HSP90AA1: variants seen among roughly 807,000 people sequenced by gnomAD.
HSP90AA1 encodes the protein heat shock protein 90 alpha family class A member 1, also known as heat shock protein HSP 90-alpha.
HSP90AA1 carries 18 observed loss-of-function variants against 73.3 expected under a neutral mutation model. The observed-to-expected ratio is 0.25, with a 90% CI of 0.17 to 0.36. The LOEUF (loss-of-function observed/expected upper bound fraction) is 0.36, where lower values mean the gene tolerates loss of function less well. Among genes scored for constraint, HSP90AA1 ranks in the 10% least tolerant of loss-of-function variants. HSP90AA1 has a pLI of 1.00. For synonymous variants in HSP90AA1, 477 were observed against 296.9 expected (o/e 1.61, Z -6.24); for missense variants, 704 against 874.2 (o/e 0.81, Z 2.45).
rs190137720 is a variant in HSP90AA1 at position 102,081,143 on chromosome 14, C to T, written c.*569G>A. The T allele has an allele frequency of 1.6e-3, 372 of 229,768 alleles. 1 individual carries two copies. Among genetic ancestry groups the T allele is most frequent in the Middle Eastern group, 2.7e-3 (2 of 738 alleles). 14.2% of individuals were successfully genotyped at this position (229,768 alleles called of 1,614,324 possible). On this transcript the variant is annotated 3_prime_UTR_variant, in exon 11 of 11. Transcript: ENST00000216281. ...AGACTGGGTCTGAGTTATTTTTGAACAGCTTTACGATATGCTTAGGTAGGC... is the reference window on the plus strand; with the variant it reads ...AGACTGGGTCTGAGTTATTTTTGAATAGCTTTACGATATGCTTAGGTAGGC...
At chr14:102,111,935 T>A (rs1181905333) in intron 1 of HSP90AA1, among the ~76,000 whole-genome samples, 1 of 152,234 alleles carries the variant, frequency 6.6e-6, no homozygotes, top group Non-Finnish European at 1.5e-5. Flanking sequence ...TATATGACAT[T>A]TCTTCTCTCT....
At chr14:102,085,728 C>G in intron 3 of HSP90AA1, 30 bp downstream of exon 3, 1 of 1,613,916 alleles carries the variant, frequency 6.2e-7, no homozygotes, top group Non-Finnish European at 8.5e-7. Flanking sequence ...TTCCACCGCT[C>G]ACTTAACCAG....
chr14:102,082,570 A>G, intron 9 of HSP90AA1, 126 bp from the exon 10 acceptor site: 1 of 744,190 alleles, frequency 1.3e-6, no homozygotes, highest in Non-Finnish European at 2.3e-6. Context: ...AATACAACTT[A>G]AATGTCGCAT....
intron 1 of HSP90AA1, among the ~76,000 whole-genome samples, chr14:102,133,087 C>CT (rs2049928850): frequency 6.6e-6 from 1 of 152,148 alleles, no homozygotes; most frequent in Non-Finnish European, 1.5e-5. Flanking sequence ...CAAGACCAGC[C>CT]TGGCCAACAT....
chr14:102,117,453 AG>A (rs777458443), intron 1 of HSP90AA1, among the ~76,000 whole-genome samples: 23 of 150,638 alleles, frequency 1.5e-4, no homozygotes, highest in Admixed American at 4.0e-4. Context: ...AGCTGAAGAC[AG>A]GATGACCAGC....
intron 1 of HSP90AA1, among the ~76,000 whole-genome samples, chr14:102,107,559 A>G (rs2049585046): frequency 6.6e-6 from 1 of 151,974 alleles, no homozygotes; most frequent in Admixed American, 6.6e-5. Flanking sequence ...TCTTGACCTC[A>G]TGATCCACCT....
intron 1 of HSP90AA1, among the ~76,000 whole-genome samples, chr14:102,135,506 C>A (rs1419159933): frequency 6.6e-6 from 1 of 152,392 alleles, no homozygotes; most frequent in African/African-American, 2.4e-5. Flanking sequence ...CTGCGCCGTG[C>A]GCTCGCATTC....
At position 102,081,706 on chromosome 14, in the gene HSP90AA1, CAG is replaced by C; in HGVS notation, c.*4_*5del. On this transcript the variant is annotated 3_prime_UTR_variant, in exon 11 of 11. Coordinates refer to ENST00000216281, the MANE Select transcript of HSP90AA1 (RefSeq NM_005348.4). ...CTGAACAGGTAAGTCATCCCTCAGC[CAG>C]AGATTAGTCTACTTCTTCCATGCGT... is the stretch of plus-strand genomic sequence containing the variant. 8.0e-7 allele frequency: 1 copy of C among 1,253,544 alleles called. No homozygotes were observed. The highest frequency in any genetic ancestry group is 1.2e-6 in the Non-Finnish European group (1 of 850,542). The allele number at this position is 1,253,544 out of a possible 1,614,324, so 77.7% of individuals were successfully genotyped here.
chr14:102,094,351 C>T (rs2049397149), intron 2 of HSP90AA1, among the ~76,000 whole-genome samples: 1 of 152,246 alleles, frequency 6.6e-6, no homozygotes, highest in Admixed American at 6.5e-5. Flanking sequence ...TACCAAAAGC[C>T]CATGTCCAGG....
intron 4 of HSP90AA1, 86 bp downstream of exon 4, chr14:102,085,212 G>C (rs1024199449): frequency 8.1e-6 from 12 of 1,483,378 alleles, no homozygotes; most frequent in South Asian, 1.1e-5. Flanking sequence ...CAGACTAGTT[G>C]AACAGATCTA....
At chr14:102,107,991 G>A (rs2049589789) in intron 1 of HSP90AA1, among the ~76,000 whole-genome samples, 1 of 150,624 alleles carries the variant, frequency 6.6e-6, no homozygotes, top group Admixed American at 6.6e-5. Context: ...AAGCCCAGGT[G>A]CAATGGCTCA....
chr14:102,084,583 A>C lies in HSP90AA1; in HGVS notation c.982-19T>G. 1 of 1,614,214 alleles carries C rather than the reference A, an allele frequency of 6.2e-7. No homozygotes were observed. Among genetic ancestry groups the C allele is most frequent in the Non-Finnish European group, 8.5e-7 (1 of 1,180,026 alleles). On this transcript the variant is annotated intron_variant, in intron 5 of 10. Coordinates refer to ENST00000216281, the MANE Select transcript of HSP90AA1 (RefSeq NM_005348.4). ...AAAAATGCTGTAATAAAACAGATAC[A>C]CTAAGTACCAATGAACAATGCATTA...
rs76333633 is a variant in HSP90AA1 at position 102,101,199 on chromosome 14, T to C, written c.366+676A>G. 4.7e-4 allele frequency among the ~76,000 whole-genome samples: 72 copies of C among 152,350 alleles called. 1 individual carries two copies. Among genetic ancestry groups the C allele is most frequent in the African/African-American group, 1.6e-3 (68 of 41,584 alleles). ...GCATGAGATACACACATATATAATG[T>C]TCACTGCCATATTAGCAGGGCTCCA... On this transcript the variant is annotated intron_variant, in intron 2 of 11. Transcript: ENST00000334701.
intron 1 of HSP90AA1, among the ~76,000 whole-genome samples, chr14:102,134,833 G>A (rs994717429): frequency 5.9e-5 from 9 of 152,178 alleles, no homozygotes; most frequent in Admixed American, 4.6e-4. Flanking sequence ...AACCCGAGCG[G>A]GTTGCCAATG....
intron 1 of HSP90AA1, among the ~76,000 whole-genome samples, chr14:102,121,538 A>G (rs1368920710): frequency 6.6e-6 from 1 of 152,186 alleles, no homozygotes; most frequent in Non-Finnish European, 1.5e-5. Context: ...GAAAATCAAA[A>G]TGCCTGTTTT....
upstream of HSP90AA1, among the ~76,000 whole-genome samples, chr14:102,089,795 G>A (rs1406213468): frequency 6.6e-6 from 1 of 152,098 alleles, no homozygotes; most frequent in Non-Finnish European, 1.5e-5. Context: ...CTGGCACTGA[G>A]TCCTGCCACT....
At chr14:102,098,459 C>CTTTTTTTTTT (rs55683551) in intron 2 of HSP90AA1, among the ~76,000 whole-genome samples, 1 of 75,464 alleles carries the variant, frequency 1.3e-5, no homozygotes. Flanking sequence ...TGCACCTGGC[C>CTTTTTTTTTT]TTTTTTTTTT....
intron 1 of HSP90AA1, among the ~76,000 whole-genome samples, chr14:102,134,432 G>A (rs1190592): frequency 0.67 from 101,005 of 151,788 alleles, 37,011 homozygotes; most frequent in East Asian, 0.92. Context: ...ATCGTGTCAG[G>A]AATTGGTGGG....
intron 1 of HSP90AA1, among the ~76,000 whole-genome samples, chr14:102,118,182 C>A (rs1469827788): frequency 6.6e-6 from 1 of 152,112 alleles, no homozygotes; most frequent in Non-Finnish European, 1.5e-5. Flanking sequence ...CAGAATGAGC[C>A]CAGTGAGCCC....
Sources: gnomAD v4.1 joint callset for allele counts (sites outside exome capture counted in the v4.1 genomes callset) on GRCh38, gnomAD v4.1.1 for gene constraint, MANE v1.5 for transcripts, NCBI Gene and HGNC (gene_info 2026-07-23, HGNC 2026-07-21) for gene names.